HYCC1: variants seen among roughly 807,000 people sequenced by gnomAD.
HYCC1 encodes hyccin PI4KA lipid kinase complex subunit 1.
At chr7:22,910,024 GA>G in the HYCC1 span, among the ~76,000 whole-genome samples, 1 of 152,084 alleles carries the variant, frequency 6.6e-6, no homozygotes, top group Non-Finnish European at 1.5e-5. Flanking sequence ...AAATAAAGGG[GA>G]AAAAATCCAG....
the HYCC1 span, among the ~76,000 whole-genome samples, chr7:22,988,632 C>T: frequency 0.021 from 3,153 of 152,200 alleles, 103 homozygotes; most frequent in African/African-American, 0.073. Flanking sequence ...CAGATACATA[C>T]ACACATATGT....
chr7:23,002,152 A>ATATATACAAT, the HYCC1 span, among the ~76,000 whole-genome samples: 1 of 23,612 alleles, frequency 4.2e-5, no homozygotes, highest in Admixed American at 5.2e-4. Context: ...ATATATATAT[A>ATATATACAAT]TATATATATA....
At chr7:22,913,276 T>C in the HYCC1 span, among the ~76,000 whole-genome samples, 2 of 152,200 alleles carry the variant, frequency 1.3e-5, no homozygotes, top group African/African-American at 4.8e-5. Context: ...TTGAAAACAA[T>C]AGAGGAATCA....
At chr7:22,984,311 T>A in the HYCC1 span, among the ~76,000 whole-genome samples, 1 of 152,188 alleles carries the variant, frequency 6.6e-6, no homozygotes, top group South Asian at 2.1e-4. Flanking sequence ...TTATCTTATA[T>A]TAATTATATC....
the HYCC1 span, among the ~76,000 whole-genome samples, chr7:22,951,046 A>G: frequency 6.6e-6 from 1 of 151,960 alleles, no homozygotes; most frequent in Non-Finnish European, 1.5e-5. Context: ...GTTAAAGAAT[A>G]CTTTTAATAG....
the HYCC1 span, among the ~76,000 whole-genome samples, chr7:22,946,698 C>A: frequency 7.3e-5 from 11 of 151,692 alleles, no homozygotes; most frequent in African/African-American, 2.7e-4. Flanking sequence ...ACAAAGATGG[C>A]AAAAAGACAA....
At chr7:22,971,241 A>C in the HYCC1 span, among the ~76,000 whole-genome samples, 1 of 149,742 alleles carries the variant, frequency 6.7e-6, no homozygotes, top group Admixed American at 6.7e-5. Flanking sequence ...GTAGAAAAGA[A>C]AGGTTAATTA....
the HYCC1 span, among the ~76,000 whole-genome samples, chr7:22,984,528 T>G: frequency 2.0e-5 from 3 of 152,046 alleles, no homozygotes; most frequent in Non-Finnish European, 2.9e-5. Flanking sequence ...AAGACCAGCC[T>G]GGGCAATATA....
the HYCC1 span, among the ~76,000 whole-genome samples, chr7:22,987,067 A>AC: frequency 2.0e-5 from 3 of 152,350 alleles, no homozygotes; most frequent in South Asian, 6.2e-4. Flanking sequence ...AGATTCAGCA[A>AC]CTATCAGAAA....
the HYCC1 span, among the ~76,000 whole-genome samples, chr7:22,923,968 C>CCAA: frequency 6.9e-6 from 1 of 145,254 alleles, no homozygotes; most frequent in Non-Finnish European, 1.5e-5. Context: ...ATCAGCCTGG[C>CCAA]CAACACGGCA....
At chr7:23,009,133 A>T in the HYCC1 span, among the ~76,000 whole-genome samples, 50,306 of 151,924 alleles carry the variant, frequency 0.33, 8,402 homozygotes, top group East Asian at 0.36. Flanking sequence ...CTTAGTTTTT[A>T]AAAATCTCCA....
chr7:22,911,871 C>T, the HYCC1 span, among the ~76,000 whole-genome samples: 1 of 152,186 alleles, frequency 6.6e-6, no homozygotes, highest in Non-Finnish European at 1.5e-5. Context: ...CATGTAGCCT[C>T]AACTTAGCAG....
the HYCC1 span, among the ~76,000 whole-genome samples, chr7:22,988,929 T>C: frequency 1.1e-4 from 16 of 152,286 alleles, no homozygotes; most frequent in South Asian, 8.3e-4. Context: ...ACCGCTGCTC[T>C]GCCCCTCACT....
At chr7:22,928,213 A>C in the HYCC1 span, among the ~76,000 whole-genome samples, 1 of 152,146 alleles carries the variant, frequency 6.6e-6, no homozygotes, top group East Asian at 1.9e-4. Flanking sequence ...TCTATGACAA[A>C]CCCACAGCCA....
chr7:22,899,067 C>T, the HYCC1 span, among the ~76,000 whole-genome samples: 16 of 152,280 alleles, frequency 1.1e-4, no homozygotes, highest in South Asian at 3.3e-3. Context: ...AGAGAGGCAG[C>T]GTGGTAGCAA....
At chr7:22,968,819 C>T in the HYCC1 span, among the ~76,000 whole-genome samples, 1 of 152,094 alleles carries the variant, frequency 6.6e-6, no homozygotes, top group Admixed American at 6.5e-5. Flanking sequence ...AACCCCATTT[C>T]TACTAAAAAT....
At chr7:22,974,657 T>A in the HYCC1 span, among the ~76,000 whole-genome samples, 2 of 152,204 alleles carry the variant, frequency 1.3e-5, no homozygotes, top group Non-Finnish European at 2.9e-5. Context: ...CAGTATCAAG[T>A]TCTGATTTTT....
the HYCC1 span, chr7:22,960,123 A>C: frequency 2.3e-6 from 2 of 885,510 alleles, no homozygotes; most frequent in South Asian, 1.4e-5. Context: ...ATAAATTAGG[A>C]GTTAAGGGCA....
At chr7:23,013,777 C>G in the HYCC1 span, 18 of 345,526 alleles carry the variant, frequency 5.2e-5, no homozygotes, top group East Asian at 3.2e-4. Flanking sequence ...CGCGCGGGAG[C>G]CGTTACCCCC....
Sources: allele counts gnomAD v4.1 joint callset (sites outside exome capture counted in the v4.1 genomes callset), GRCh38; gene constraint gnomAD v4.1.1; transcripts MANE v1.5; gene names NCBI Gene and HGNC (gene_info 2026-07-23, HGNC 2026-07-21).